Variants in EMILIN3 observed in about 807,000 individuals in gnomAD.
The protein encoded by EMILIN3 is elastin microfibril interfacer 3.
EMILIN3 carries 38 observed loss-of-function variants against 42.8 expected under a neutral mutation model. The ratio of observed to expected loss-of-function variants is 0.89; its 90% CI spans 0.69 to 1.16. The LOEUF (loss-of-function observed/expected upper bound fraction) is 1.16, where lower values mean the gene tolerates loss of function less well. Among genes scored for constraint, EMILIN3 ranks in the 50% most tolerant of loss-of-function variants. EMILIN3 has a pLI of 0.00. For missense variants in EMILIN3, 924 were observed against 999.5 expected (o/e 0.92, Z 1.02); for synonymous variants, 430 against 440.5 (o/e 0.98, Z 0.30).
At chr20:41,363,080 G>A in intron 3 of EMILIN3, 26 bp from the exon 4 acceptor site, 1 of 1,503,198 alleles carries the variant, frequency 6.7e-7, no homozygotes, top group East Asian at 2.4e-5. Flanking sequence ...GAGCCCCAGG[G>A]GCATCACTGG....
Position 41,361,870 on chromosome 20 carries a change from C to T in EMILIN3, c.1699G>A (p.Glu567Lys), listed in dbSNP as rs142261892. The T allele has an allele frequency of 1.1e-5, 17 of 1,613,442 alleles. No homozygotes were observed. Among genetic ancestry groups the T allele is most frequent in the South Asian group, 4.4e-5 (4 of 91,094 alleles). The change falls in exon 4 of 4, where the codon GAG becomes AAG. Residue 567 changes from glutamate to lysine, a missense_variant. Coordinates refer to ENST00000332312, the MANE Select transcript of EMILIN3 (RefSeq NM_052846.2). The part of the protein sequence containing the change: ...LLQQLNGTVA[E>K]VQGQLAEGTG... ...CCTTCTGCCAGCTGTCCCTGGACCT[C>T]GGCCACAGTGCCATTGAGCTGCTGG...
rs2046391981 is a variant in EMILIN3, at chr20:41,366,067, C to CG, written c.167+400dup. 6.6e-6 allele frequency among the ~76,000 whole-genome samples: 1 copy of CG among 152,156 alleles called. No homozygotes were observed. The stretch of plus-strand genomic sequence containing the variant: ...TGCGCAGCTCTATCTCCTACCTGGC[C>CG]GGGCCAGGGGAGAGAAGGGAGGCCC... On this transcript the variant is annotated intron_variant, in intron 1 of 3. Coordinates refer to ENST00000332312, the MANE Select transcript of EMILIN3 (RefSeq NM_052846.2). This position sits in a 1 kb window ranked among gnomAD's most constrained non-coding sequence, Gnocchi z 4.2.
intron 3 of EMILIN3, 38 bp from the exon 4 acceptor site, chr20:41,363,092 C>T: frequency 6.8e-7 from 1 of 1,462,270 alleles, no homozygotes; most frequent in African/African-American, 1.4e-5. Context: ...CATCACTGGC[C>T]TCACCCTCTC....
At position 41,363,744 on chromosome 20, in the gene EMILIN3, ATGGT is replaced by A. The variant is rs1307835793; in HGVS notation, c.404_407del (p.Asp135ValfsTer78). 1 of 1,614,132 alleles carries A rather than the reference ATGGT, an allele frequency of 6.2e-7. No homozygotes were observed. On this transcript the variant is annotated frameshift_variant, in exon 3 of 4. Transcript: ENST00000332312. LOFTEE classifies it high-confidence loss of function. ...GCTCCAGCTGGGGTGAGGCAGCCCCATGGTCCGTGAGGTGCTCAGGGCAGCGTTT... is the reference window on the plus strand; with the variant it reads ...GCTCCAGCTGGGGTGAGGCAGCCCCACCGTGAGGTGCTCAGGGCAGCGTTT...
In EMILIN3 at chr20:41,366,407, G is replaced by A; in HGVS notation, c.167+61C>T. The A allele has an allele frequency of 9.3e-7, 1 of 1,079,462 alleles. No homozygotes were observed. Among genetic ancestry groups the A allele is most frequent in the Non-Finnish European group, 1.1e-6 (1 of 888,226 alleles). The allele number at this position is 1,079,462 out of a possible 1,614,324, so 66.9% of individuals were successfully genotyped here. A position where few individuals can be genotyped will look rare whatever the true frequency, so the allele number is the denominator to read the frequency against. ...GCCCCCCGCGGGTGCGGGCAGGTGG[G>A]AGCGGCGACGCGCGCGGGCCCATCC... On this transcript the variant is annotated intron_variant, in intron 1 of 3. Coordinates refer to ENST00000332312, the MANE Select transcript of EMILIN3 (RefSeq NM_052846.2). The surrounding 1 kb of genome is among the most constrained non-coding windows in gnomAD (Gnocchi z 4.2).
In EMILIN3 at chr20:41,361,908, T is replaced by G; in HGVS notation, c.1661A>C (p.His554Pro). 6.2e-7 allele frequency: 1 copy of G among 1,613,366 alleles called. No individual in the cohort carries two copies. ...SEALLRQVAS[H>P]AALLQQLNGT... ...ATTGAGCTGCTGGAGCAGTGCTGCG[T>G]GGCTGGCCACCTGGCGTAGGAGGGC... Residue 554 changes from histidine to proline, a missense_variant, in exon 4 of 4, where the codon CAC becomes CCC. Transcript: ENST00000332312.
In EMILIN3 at chr20:41,365,019, TGAG is replaced by T. The variant is rs1173397974; in HGVS notation, c.290+13_290+15del. 1.9e-6 allele frequency: 3 copies of T among 1,613,178 alleles called. No homozygotes were observed. The highest frequency in any genetic ancestry group is 2.5e-6 in the Non-Finnish European group (3 of 1,179,500). On this transcript the variant is annotated intron_variant, in intron 2 of 3. Coordinates refer to ENST00000332312, the MANE Select transcript of EMILIN3 (RefSeq NM_052846.2). ...TGCCAGGGGATTCCAAGTGTGTAGGTGAGGAGTGCACTTACGTGACTGTCCCGG... is the reference window on the plus strand; with the variant it reads ...TGCCAGGGGATTCCAAGTGTGTAGGTGAGTGCACTTACGTGACTGTCCCGG...
Position 41,363,020 on chromosome 20 carries a change from C to T in EMILIN3, c.549G>A (p.Leu183=), listed in dbSNP as rs140904657. The T allele has an allele frequency of 9.4e-6, 15 of 1,600,602 alleles. No individual in the cohort carries two copies. Among genetic ancestry groups the T allele is most frequent in the Non-Finnish European group, 1.1e-5 (13 of 1,170,366 alleles). The part of the protein sequence containing the change: ...RKGPGLFGER[L]ERLEGDVQRL... ...GCTGGACATCACCCTCCAGGCGTTC[C>T]AGCCGCTCACCAAACAGCCCTGGGC... Residue 183 remains leucine (L), a synonymous_variant, in exon 4 of 4, where the codon CTG becomes CTA. Coordinates refer to ENST00000332312, the MANE Select transcript of EMILIN3 (RefSeq NM_052846.2).
Position 41,366,542 on chromosome 20 carries a change from A to G in EMILIN3, c.93T>C (p.Pro31=), listed in dbSNP as rs2147037752. 8.7e-7 allele frequency: 1 copy of G among 1,145,286 alleles called. No homozygotes were observed. Among genetic ancestry groups the G allele is most frequent in the East Asian group, 4.4e-5 (1 of 22,814 alleles). The allele number at this position is 1,145,286 out of a possible 1,614,324, so 70.9% of individuals were successfully genotyped here. ...QARGTPLLAR[P]APPGASRYSL... Reference sequence around the variant, plus strand: ...TGTAGCGGGAGGCACCGGGCGGCGCAGGCCGCGCCAGGAGCGGGGTGCCCC... The same window carrying G: ...TGTAGCGGGAGGCACCGGGCGGCGCGGGCCGCGCCAGGAGCGGGGTGCCCC... Residue 31 remains proline, a synonymous_variant, in exon 1 of 4, where the codon CCT becomes CCC. Transcript: ENST00000332312. This position sits in a 1 kb window ranked among gnomAD's most constrained non-coding sequence, Gnocchi z 4.2.
intron 3 of EMILIN3, 41 bp from the exon 4 acceptor site, chr20:41,363,095 A>C: frequency 2.1e-6 from 3 of 1,446,978 alleles, no homozygotes; most frequent in Non-Finnish European, 1.8e-6. Context: ...CACTGGCCTC[A>C]CCCTCTCAGC....
intron 1 of EMILIN3, 146 bp from the exon 2 acceptor site, chr20:41,365,303 G>T: frequency 8.1e-7 from 1 of 1,241,364 alleles, no homozygotes; most frequent in Non-Finnish European, 1.1e-6. Flanking sequence ...GGGAGCCAAC[G>T]CCCTTGGTCT....
chr20:41,360,148 GTC>G lies in EMILIN3; in HGVS notation c.*1118_*1119del, dbSNP rs1350670766. ...GCCTCAGCAGAGACCGGTGTCAAGAGTCTCTGGGAACTGCATAGGCCTGAGGA... is the reference window on the plus strand; with the variant it reads ...GCCTCAGCAGAGACCGGTGTCAAGAGTCTGGGAACTGCATAGGCCTGAGGA... On this transcript the variant is annotated 3_prime_UTR_variant, in exon 4 of 4. Coordinates refer to ENST00000332312, the MANE Select transcript of EMILIN3 (RefSeq NM_052846.2). 3.3e-5 allele frequency: 5 copies of G among 152,772 alleles called. No individual in the cohort carries two copies. The East Asian group carries it at 9.6e-4, about 29-fold the overall frequency. The allele number at this position is 152,772 out of a possible 1,614,324, so 9.5% of individuals were successfully genotyped here.
Position 41,361,745 on chromosome 20 carries a change from G to C in EMILIN3, c.1824C>G (p.Tyr608Ter). 6.2e-7 allele frequency: 1 copy of C among 1,613,622 alleles called. No homozygotes were observed. Among genetic ancestry groups the C allele is most frequent in the African/African-American group, 1.3e-5 (1 of 75,076 alleles). ...TGTTGGCAGCCAAGAAGGCATCAGAGTACTGGCTGACAGAGTCACTGAGGC... is the reference window on the plus strand; with the variant it reads ...TGTTGGCAGCCAAGAAGGCATCAGACTACTGGCTGACAGAGTCACTGAGGC... ...LTGLSDSVSQ[Y>*]SDAFLAANTS... The change falls in exon 4 of 4, where the codon TAC (tyrosine) becomes TAG (stop). Residue 608 changes from tyrosine (Y) to a stop codon, truncating the protein, a stop_gained. Coordinates refer to ENST00000332312, the MANE Select transcript of EMILIN3 (RefSeq NM_052846.2). LOFTEE classifies it high-confidence loss of function.
intron 2 of EMILIN3, among the ~76,000 whole-genome samples, chr20:41,364,824 G>A (rs1442754358): frequency 1.3e-5 from 2 of 152,186 alleles, no homozygotes; most frequent in Admixed American, 6.5e-5. Context: ...CTGTCTGTGC[G>A]GGTGATGCTC....
rs371234077 is a variant in EMILIN3 at position 41,362,659 on chromosome 20, C to T, written c.910G>A (p.Val304Met). 1.1e-5 allele frequency: 18 copies of T among 1,610,370 alleles called. No homozygotes were observed. Among genetic ancestry groups the T allele is most frequent in the African/African-American group, 2.7e-5 (2 of 74,960 alleles). ...LTSLALLEEY[V>M]DRRLHRLWGS... ...CAGAGTCGGTGCAGCCGTCGGTCCA[C>T]GTACTCCTCCAGCAGGGCCAGGGAG... Residue 304 changes from valine (V) to methionine (M), a missense_variant, in exon 4 of 4, where the codon GTG becomes ATG. Transcript: ENST00000332312.
chr20:41,361,604 A>G lies in EMILIN3; in HGVS notation c.1965T>C (p.Arg655=), dbSNP rs767959502. ...QAGHRQVLNL[R]GELEQLKAGV... ...CAGCCTTGAGTTGCTCCAGCTCCCC[A>G]CGCAGGTTCAGGACCTGCCTGTGGC... The change falls in exon 4 of 4, where the codon CGT becomes CGC. Residue 655 remains arginine (R), a synonymous_variant. Transcript: ENST00000332312. 2 of 1,610,866 alleles carry G rather than the reference A, an allele frequency of 1.2e-6. No individual in the cohort carries two copies. Among genetic ancestry groups the G allele is most frequent in the Admixed American group, 1.7e-5 (1 of 59,994 alleles).
Position 41,361,547 on chromosome 20 carries a change from G to A in EMILIN3, c.2022C>T (p.Arg674=), listed in dbSNP as rs1170823950. Residue 674 remains arginine, a synonymous_variant, in exon 4 of 4, where the codon CGC becomes CGT. Coordinates refer to ENST00000332312, the MANE Select transcript of EMILIN3 (RefSeq NM_052846.2). ...GAAGTTTCTGGGCTGTGTCCTGGCA[G>A]CGGCTCAGCCCACTGGCCACCTTGG... ...GVAKVASGLS[R]CQDTAQKLQH... The A allele has an allele frequency of 1.2e-6, 2 of 1,611,146 alleles. No individual in the cohort carries two copies. Among genetic ancestry groups the A allele is most frequent in the Non-Finnish European group, 8.5e-7 (1 of 1,179,644 alleles).
At chr20:41,363,325 T>A (rs888616969) in intron 3 of EMILIN3, among the ~76,000 whole-genome samples, 11 of 152,088 alleles carry the variant, frequency 7.2e-5, no homozygotes, top group Non-Finnish European at 1.0e-4. Flanking sequence ...CTATCTTTAG[T>A]AGAGATGGGG....
In EMILIN3 at chr20:41,361,790, T is replaced by A; in HGVS notation, c.1779A>T (p.Ser593=). 1 of 1,613,670 alleles carries A rather than the reference T, an allele frequency of 6.2e-7. No individual in the cohort carries two copies. The highest frequency in any genetic ancestry group is 1.1e-5 in the South Asian group (1 of 91,086). The change falls in exon 4 of 4, where the codon TCA becomes TCT. Residue 593 remains serine, a synonymous_variant. Coordinates refer to ENST00000332312, the MANE Select transcript of EMILIN3 (RefSeq NM_052846.2). Reference sequence around the variant, plus strand: ...TGAGGCCTGTGAGCGACTTGCTCACTGAGTTCAGATTGACCTTGAGCAGAG... The same window carrying A: ...TGAGGCCTGTGAGCGACTTGCTCACAGAGTTCAGATTGACCTTGAGCAGAG... ...EITLLKVNLN[S]VSKSLTGLSD...
Sources: allele counts gnomAD v4.1 joint callset (sites outside exome capture counted in the v4.1 genomes callset), GRCh38; gene constraint gnomAD v4.1.1; non-coding constraint Gnocchi (gnomAD v3.1); transcripts MANE v1.5; gene names NCBI Gene and HGNC (gene_info 2026-07-23, HGNC 2026-07-21).